The following ZNF804B variants were observed in gnomAD, a reference collection of about 807,000 sequenced individuals.
The protein encoded by ZNF804B is zinc finger protein 804B, also known as zinc finger 804B.
ZNF804B carries 80 observed loss-of-function variants against 101.4 expected under a neutral mutation model. The ratio of observed to expected loss-of-function variants is 0.79; its 90% CI spans 0.66 to 0.95. The LOEUF (loss-of-function observed/expected upper bound fraction) is 0.95, where lower values mean the gene tolerates loss of function less well. Ranked by LOEUF, ZNF804B falls within the 40% of genes least tolerant of loss-of-function variation. The probability of loss-of-function intolerance (pLI) is 0.00; values close to 1 mark genes in which losing one functional copy is unlikely to be tolerated. For synonymous variants in ZNF804B, 622 were observed against 558.8 expected, an observed-to-expected ratio of 1.11 and a Z score of -1.59; for missense variants, 1,673 against 1,561.9, an observed-to-expected ratio of 1.07 and a Z score of -1.20.
chr7:88,806,213 A>T (rs1221535277), intron 1 of ZNF804B, among the ~76,000 whole-genome samples: 1 of 152,158 alleles, frequency 6.6e-6, no homozygotes, highest in African/African-American at 2.4e-5. Context: ...TATAAAGGCA[A>T]AGTTCTCAAA....
Position 89,145,605 on chromosome 7 carries a change from C to T in ZNF804B, c.109-72550C>T, listed in dbSNP as rs116657260. Among the ~76,000 whole-genome samples the T allele has an allele frequency of 7.7e-3, 1,177 of 152,030 alleles. 18 individuals carry two copies. Among genetic ancestry groups the T allele is most frequent in the African/African-American group, 0.027 (1,105 of 41,514 alleles). On this transcript the variant is annotated intron_variant, in intron 1 of 3. Coordinates refer to ENST00000333190, the MANE Select transcript of ZNF804B (RefSeq NM_181646.5). ...TTATTTAAGAAATGGCTTGTACTAC[C>T]TAAACTAATTGTAACCTTAAATGAA...
intron 1 of ZNF804B, among the ~76,000 whole-genome samples, chr7:88,778,416 C>T (rs1051502080): frequency 4.3e-4 from 65 of 152,356 alleles, no homozygotes; most frequent in African/African-American, 1.2e-3. Context: ...CAAGACAGCA[C>T]TCACAGGTCC....
At chr7:88,991,168 G>T (rs920912513) in intron 1 of ZNF804B, among the ~76,000 whole-genome samples, 4 of 152,114 alleles carry the variant, frequency 2.6e-5, no homozygotes, top group Non-Finnish European at 4.4e-5. Context: ...ATTTAACACT[G>T]ATTTGATTTT....
chr7:89,168,064 G>A (rs1043249043), intron 1 of ZNF804B, among the ~76,000 whole-genome samples: 1 of 151,842 alleles, frequency 6.6e-6, no homozygotes, highest in Non-Finnish European at 1.5e-5. Context: ...AATGATTAGG[G>A]ACACTAACTG....
chr7:88,921,047 T>C (rs1257939624), intron 1 of ZNF804B, among the ~76,000 whole-genome samples: 1 of 152,084 alleles, frequency 6.6e-6, no homozygotes, highest in African/African-American at 2.4e-5. Context: ...GTATCCTTGC[T>C]GATAAAACGA....
Position 89,225,967 on chromosome 7 carries a change from T to C in ZNF804B, c.249+7672T>C, listed in dbSNP as rs144842880. Among the ~76,000 whole-genome samples, 494 of 152,214 alleles carry C rather than the reference T, an allele frequency of 3.2e-3. 4 individuals carry two copies. Among genetic ancestry groups the C allele is most frequent in the African/African-American group, 0.011 (449 of 41,550 alleles). On this transcript the variant is annotated intron_variant, in intron 2 of 3. Coordinates refer to ENST00000333190, the MANE Select transcript of ZNF804B (RefSeq NM_181646.5). Reference sequence around the variant, plus strand: ...GAGTTCAAGAGAGACAATAGGAGTCTTTATAACAATGACAATGAGGGAAGA... The same window carrying C: ...GAGTTCAAGAGAGACAATAGGAGTCCTTATAACAATGACAATGAGGGAAGA...
At chr7:88,790,593 G>T (rs770268282) in intron 1 of ZNF804B, among the ~76,000 whole-genome samples, 11 of 152,054 alleles carry the variant, frequency 7.2e-5, no homozygotes, top group African/African-American at 1.2e-4. Flanking sequence ...TCCCTGCAAA[G>T]GACATGATCT....
chr7:88,975,038 T>C (rs577537366), intron 1 of ZNF804B, among the ~76,000 whole-genome samples: 21 of 151,686 alleles, frequency 1.4e-4, no homozygotes, highest in African/African-American at 4.8e-4. Flanking sequence ...AAATTTGTCT[T>C]TCCATGCCTG....
intron 1 of ZNF804B, among the ~76,000 whole-genome samples, chr7:88,989,710 A>G (rs1793816409): frequency 6.6e-6 from 1 of 152,128 alleles, no homozygotes; most frequent in Non-Finnish European, 1.5e-5. Context: ...CTCTTTTATG[A>G]CAAGAAACCA....
chr7:89,125,248 T>A (rs1790461804), intron 1 of ZNF804B, among the ~76,000 whole-genome samples: 1 of 151,882 alleles, frequency 6.6e-6, no homozygotes, highest in African/African-American at 2.4e-5. Flanking sequence ...ATTGGTAGAA[T>A]TATTGTGAAC....
chr7:88,939,434 T>G (rs1793024726), intron 1 of ZNF804B, among the ~76,000 whole-genome samples: 1 of 152,110 alleles, frequency 6.6e-6, no homozygotes, highest in South Asian at 2.1e-4. Context: ...GAGGGCCAAC[T>G]GTATGAAAAT....
At chr7:88,787,231 G>T (rs1361360959) in intron 1 of ZNF804B, among the ~76,000 whole-genome samples, 2 of 152,112 alleles carry the variant, frequency 1.3e-5, no homozygotes, top group African/African-American at 2.4e-5. Context: ...ATGGATCAGA[G>T]AATCAAGGCT....
chr7:89,188,909 A>G (rs1356951510), intron 1 of ZNF804B, among the ~76,000 whole-genome samples: 2 of 152,192 alleles, frequency 1.3e-5, no homozygotes, highest in Admixed American at 1.3e-4. Context: ...CAAGGTGATG[A>G]TGTAGAAACT....
intron 2 of ZNF804B, among the ~76,000 whole-genome samples, chr7:89,229,006 G>A (rs1411717825): frequency 3.3e-5 from 5 of 152,174 alleles, no homozygotes; most frequent in African/African-American, 9.6e-5. Context: ...CGGCGGGGCC[G>A]GCCGGCTGCT....
At position 88,977,016 on chromosome 7, in the gene ZNF804B, T is replaced by C. The variant is rs117775985; in HGVS notation, c.108+216932T>C. The stretch of plus-strand genomic sequence containing the variant: ...CATATGGTTTTTGTACTTCATTCTG[T>C]TGATACGATGTATCACATTGATTGA... On this transcript the variant is annotated intron_variant, in intron 1 of 3. Coordinates refer to ENST00000333190, the MANE Select transcript of ZNF804B (RefSeq NM_181646.5). 6.6e-5 allele frequency among the ~76,000 whole-genome samples: 10 copies of C among 151,950 alleles called. No individual in the cohort carries two copies. The East Asian group carries it at 1.9e-3, about 30-fold the overall frequency.
chr7:88,914,007 T>C (rs571153876), intron 1 of ZNF804B, among the ~76,000 whole-genome samples: 55 of 152,230 alleles, frequency 3.6e-4, no homozygotes, highest in African/African-American at 1.3e-3. Context: ...ACCAAAAGCA[T>C]TGATAGTAGT....
At chr7:88,966,263 A>G (rs1475304632) in intron 1 of ZNF804B, among the ~76,000 whole-genome samples, 1 of 151,618 alleles carries the variant, frequency 6.6e-6, no homozygotes, top group East Asian at 2.0e-4. Context: ...CTTCTTAAGT[A>G]ATATTAATGT....
At chr7:89,256,215 T>C (rs148599511) in intron 2 of ZNF804B, among the ~76,000 whole-genome samples, 82 of 152,288 alleles carry the variant, frequency 5.4e-4, no homozygotes, top group Middle Eastern at 3.4e-3. Context: ...TTATCAAAAC[T>C]GTTTATAATA....
chr7:88,978,160 C>G (rs1400341331), intron 1 of ZNF804B, among the ~76,000 whole-genome samples: 1 of 151,500 alleles, frequency 6.6e-6, no homozygotes, highest in African/African-American at 2.4e-5. Context: ...TATGGCATAT[C>G]TTTGAGAATG....
Sources: allele counts gnomAD v4.1 joint callset (sites outside exome capture counted in the v4.1 genomes callset), GRCh38; gene constraint gnomAD v4.1.1; transcripts MANE v1.5; gene names NCBI Gene and HGNC (gene_info 2026-07-23, HGNC 2026-07-21).